PDZRN4: variants seen among roughly 807,000 people sequenced by gnomAD.
PDZRN4 encodes PDZ domain containing ring finger 4, also known as PDZ domain-containing RING finger protein 4.
In PDZRN4, 70 loss-of-function variants were observed where a neutral mutation model predicts 99.0. The ratio of observed to expected loss-of-function variants is 0.71; its 90% CI spans 0.58 to 0.86. PDZRN4 has a LOEUF of 0.86. PDZRN4 is among the 40% of genes least tolerant of loss of function. The probability of loss-of-function intolerance (pLI) is 0.00; values close to 1 mark genes in which losing one functional copy is unlikely to be tolerated. For synonymous variants in PDZRN4, 551 were observed against 501.6 expected (o/e 1.10, Z -1.32); for missense variants, 1,474 against 1,331.2 (o/e 1.11, Z -1.67).
intron 5 of PDZRN4, among the ~76,000 whole-genome samples, chr12:41,548,844 C>A (rs1342190118): frequency 6.6e-6 from 1 of 152,040 alleles, no homozygotes; most frequent in African/African-American, 2.4e-5. Flanking sequence ...ATGTAAAAAT[C>A]CCATTTGTGT....
At chr12:41,246,589 T>C (rs1049203688) in intron 3 of PDZRN4, among the ~76,000 whole-genome samples, 3 of 152,210 alleles carry the variant, frequency 2.0e-5, no homozygotes, top group African/African-American at 7.2e-5. Context: ...GTTGGAGCTA[T>C]AGATGAGGTA....
chr12:41,220,279 C>T (rs1196284322), intron 3 of PDZRN4, among the ~76,000 whole-genome samples: 1 of 152,084 alleles, frequency 6.6e-6, no homozygotes, highest in Admixed American at 6.6e-5. Context: ...GGTGGCCACC[C>T]TCTTGCTGTG....
rs151189621 is a variant in PDZRN4 at position 41,334,553 on chromosome 12, G to T, written c.843+140365G>T. Among the ~76,000 whole-genome samples the T allele has an allele frequency of 1.2e-3, 187 of 152,224 alleles. 3 individuals are homozygous for T. The East Asian group carries it at 0.024, about 20-fold the overall frequency. The stretch of plus-strand genomic sequence containing the variant: ...TGCCAGACATGATGGCTGGGACAAT[G>T]CAGATGGCTCTGGAGCAGGAGCTTC... On this transcript the variant is annotated intron_variant, in intron 3 of 9. Coordinates refer to ENST00000402685, the MANE Select transcript of PDZRN4 (RefSeq NM_001164595.2).
intron 3 of PDZRN4, among the ~76,000 whole-genome samples, chr12:41,338,124 A>G (rs1817841077): frequency 1.3e-5 from 2 of 152,092 alleles, no homozygotes; most frequent in Non-Finnish European, 2.9e-5. Flanking sequence ...TTAGAAAATC[A>G]ATGGAAGGAA....
intron 3 of PDZRN4, among the ~76,000 whole-genome samples, chr12:41,370,693 C>T (rs1163739767): frequency 6.6e-6 from 1 of 151,822 alleles, no homozygotes; most frequent in African/African-American, 2.4e-5. Flanking sequence ...TAGGTTTATA[C>T]TAGACATTTT....
intron 3 of PDZRN4, among the ~76,000 whole-genome samples, chr12:41,397,995 A>G (rs1565571913): frequency 6.6e-6 from 1 of 152,112 alleles, no homozygotes; most frequent in Non-Finnish European, 1.5e-5. Flanking sequence ...TGCTGCCTAC[A>G]GCCCGGGGGA....
chr12:41,477,835 T>A, intron 3 of PDZRN4: 1 of 1,405,726 alleles, frequency 7.1e-7, no homozygotes, highest in Non-Finnish European at 9.8e-7. Context: ...TATGAAATGC[T>A]TATCTTTGGA....
At chr12:41,242,748 T>C (rs112722212) in intron 3 of PDZRN4, among the ~76,000 whole-genome samples, 19 of 152,254 alleles carry the variant, frequency 1.2e-4, no homozygotes, top group Non-Finnish European at 2.4e-4. Flanking sequence ...TAGATAAAAC[T>C]GCTGCTGCAA....
chr12:41,191,489 T>C lies in PDZRN4; in HGVS notation c.680T>C (p.Leu227Ser), dbSNP rs763809725. The part of the protein sequence containing the change: ...DGEHKPFTIV[L>S]ERENDTLGFN... ...GAGCATAAGCCATTCACTATTGTGT[T>C]AGAAAGAGAAAATGACACTTTGGGA... Residue 227 changes from leucine to serine, a missense_variant, in exon 2 of 10, where the codon TTA (leucine) becomes TCA (serine). Transcript: ENST00000402685. 6.3e-7 allele frequency: 1 copy of C among 1,576,972 alleles called. No individual in the cohort carries two copies. Among genetic ancestry groups the C allele is most frequent in the Non-Finnish European group, 8.6e-7 (1 of 1,159,958 alleles).
chr12:41,284,179 A>G (rs1414797067), intron 3 of PDZRN4, among the ~76,000 whole-genome samples: 1 of 152,230 alleles, frequency 6.6e-6, no homozygotes, highest in East Asian at 1.9e-4. Flanking sequence ...TACAAAATAA[A>G]TGTGCAAAGA....
chr12:41,555,794 C>T lies in PDZRN4; in HGVS notation c.1365+34C>T, dbSNP rs199809767. On this transcript the variant is annotated intron_variant, in intron 7 of 9. Coordinates refer to ENST00000402685, the MANE Select transcript of PDZRN4 (RefSeq NM_001164595.2). ...TATAGTAATTTCCTTTAGTTCCCCA[C>T]GATCTGTCCAAAGTTACTATTTTAC... is the stretch of plus-strand genomic sequence containing the variant. 1.3e-4 allele frequency: 187 copies of T among 1,489,390 alleles called. No homozygotes were observed. The East Asian group carries it at 1.3e-3, about 10-fold the overall frequency. The allele number at this position is 1,489,390 out of a possible 1,614,324, so 92.3% of individuals were successfully genotyped here.
chr12:41,365,007 A>G (rs11180853), intron 3 of PDZRN4, among the ~76,000 whole-genome samples: 30,633 of 152,064 alleles, frequency 0.2, 3,400 homozygotes, highest in Non-Finnish European at 0.26. Flanking sequence ...GGTGAGTTAC[A>G]TAAATTAGCA....
chr12:41,392,473 T>C (rs1952216634), intron 3 of PDZRN4, among the ~76,000 whole-genome samples: 2 of 152,216 alleles, frequency 1.3e-5, no homozygotes, highest in Non-Finnish European at 2.9e-5. Context: ...TGTCTTAGCT[T>C]GCCAATGGTT....
intron 3 of PDZRN4, among the ~76,000 whole-genome samples, chr12:41,360,064 T>C (rs1276318080): frequency 1.3e-5 from 2 of 152,044 alleles, no homozygotes; most frequent in Non-Finnish European, 2.9e-5. Flanking sequence ...ACAATTATAA[T>C]ACATTTGGTT....
intron 3 of PDZRN4, among the ~76,000 whole-genome samples, chr12:41,217,210 C>T (rs1266878089): frequency 6.6e-6 from 1 of 152,036 alleles, no homozygotes; most frequent in Non-Finnish European, 1.5e-5. Flanking sequence ...GCCAATGTTC[C>T]AAATCAGAGC....
intron 3 of PDZRN4, among the ~76,000 whole-genome samples, chr12:41,258,037 G>A (rs375701266): frequency 2.0e-5 from 3 of 152,020 alleles, no homozygotes; most frequent in Non-Finnish European, 2.9e-5. Flanking sequence ...TGAGTGATCC[G>A]GGCATGGTCA....
At chr12:41,439,605 G>A (rs943851463) in intron 3 of PDZRN4, among the ~76,000 whole-genome samples, 3 of 152,128 alleles carry the variant, frequency 2.0e-5, no homozygotes, top group African/African-American at 4.8e-5. Flanking sequence ...AGAAGCAGGA[G>A]CCTTTGTTAT....
chr12:41,221,655 A>G (rs1950956975), intron 3 of PDZRN4, among the ~76,000 whole-genome samples: 2 of 152,082 alleles, frequency 1.3e-5, no homozygotes, highest in African/African-American at 2.4e-5. Flanking sequence ...GGCTTTGAAA[A>G]GCCAACTGCT....
At chr12:41,459,227 A>G (rs1352264176) in intron 3 of PDZRN4, among the ~76,000 whole-genome samples, 1 of 152,186 alleles carries the variant, frequency 6.6e-6, no homozygotes, top group Non-Finnish European at 1.5e-5. Flanking sequence ...TATATCCCGT[A>G]GATTTGTTAA....
Sources: gnomAD v4.1 joint callset for allele counts (sites outside exome capture counted in the v4.1 genomes callset) on GRCh38, gnomAD v4.1.1 for gene constraint, MANE v1.5 for transcripts, NCBI Gene and HGNC (gene_info 2026-07-23, HGNC 2026-07-21) for gene names.